Variants in ATP11C observed in about 807,000 individuals in gnomAD.
ATP11C encodes phospholipid-transporting ATPase IG.
ATP11C carries 36 observed loss-of-function variants against 97.4 expected under a neutral mutation model. The observed-to-expected ratio is 0.37, with a 90% CI of 0.28 to 0.49. The LOEUF is 0.49. Among genes scored for constraint, ATP11C ranks in the 20% least tolerant of loss-of-function variants. The pLI is 0.98. For synonymous variants in ATP11C, 275 were observed against 290.9 expected, an observed-to-expected ratio of 0.95 and a Z score of 0.56; for missense variants, 730 against 824.6, an observed-to-expected ratio of 0.89 and a Z score of 1.40.
chrX:139,790,816 C>T lies in ATP11C; in HGVS notation c.1207-1328G>A, dbSNP rs541949762. Among the ~76,000 whole-genome samples the T allele has an allele frequency of 1.8e-4, 20 of 111,306 alleles. 1 individual carries two copies. The South Asian group carries it at 7.5e-3, about 42-fold the overall frequency. ...CAAGTTTCCAAATTTAGAAAAAAAG[C>T]AGATAAAGTATAACACAAGTATATT... On this transcript the variant is annotated intron_variant, in intron 12 of 29. Coordinates refer to ENST00000682941, the MANE Select transcript of ATP11C (RefSeq NM_001353812.2).
intron 1 of ATP11C, among the ~76,000 whole-genome samples, chrX:139,853,153 CCT>C (rs1260695152): frequency 8.9e-6 from 1 of 111,778 alleles, no homozygotes; most frequent in Non-Finnish European, 1.9e-5. Flanking sequence ...ACAAACCCCC[CCT>C]TTCTTCTTAG....
In ATP11C at chrX:139,798,310, A is replaced by T. The variant is rs1333809835; in HGVS notation, c.820T>A (p.Tyr274Asn). Residue 274 changes from tyrosine to asparagine, a missense_variant, in exon 10 of 30, where the codon TAC (tyrosine) becomes AAC (asparagine). By Grantham distance (143) the Tyr-to-Asn change is moderately radical. Transcript: ENST00000682941. Reference protein sequence around the residue: ...TGMETKMALNYQGKSQKRSAV... With the variant: ...TGMETKMALNNQGKSQKRSAV... Reference sequence around the variant, plus strand: ...GAACGTTTCTGAGATTTCCCTTGGTAGTTCAAAGCCATTTTGGTTTCCATT... The same window carrying T: ...GAACGTTTCTGAGATTTCCCTTGGTTGTTCAAAGCCATTTTGGTTTCCATT... The T allele has an allele frequency of 1.7e-6, 2 of 1,206,135 alleles. No homozygotes were observed. Among genetic ancestry groups the T allele is most frequent in the Non-Finnish European group, 2.2e-6 (2 of 893,758 alleles).
chrX:139,737,920 G>T lies in ATP11C; in HGVS notation c.3284C>A (p.Ala1095Asp), dbSNP rs1430518922. The change falls in exon 28 of 30, where the codon GCC becomes GAC. Residue 1095 changes from alanine to aspartate, a missense_variant. Transcript: ENST00000682941. ...IVLKNVRRRS[A>D]RRNLSCRRAS... ...TAAGATAAACTTAGTTCTTACCCTG[G>T]CACTTCTTCTTCTTACATTCTTTAA... 3 of 1,200,617 alleles carry T rather than the reference G, an allele frequency of 2.5e-6. No homozygotes were observed. Among genetic ancestry groups the T allele is most frequent in the Non-Finnish European group, 3.4e-6 (3 of 889,820 alleles).
chrX:139,750,933 T>C (rs1412553103), intron 23 of ATP11C, among the ~76,000 whole-genome samples: 2 of 112,037 alleles, frequency 1.8e-5, no homozygotes, highest in African/African-American at 6.5e-5. Context: ...AGCATTTACA[T>C]CAGTATTTAT....
chrX:139,871,494 C>T (rs1307568505), intron 1 of ATP11C, among the ~76,000 whole-genome samples: 1 of 106,770 alleles, frequency 9.4e-6, no homozygotes, highest in Non-Finnish European at 1.9e-5. Flanking sequence ...CAGGCATGAG[C>T]CACTGTGCCT....
At position 139,893,741 on chromosome X, in the gene ATP11C, C is replaced by CA. The variant is rs35487068; in HGVS notation, c.27+38274dup. On this transcript the variant is annotated intron_variant, in intron 1 of 29. Transcript: ENST00000682941. ...ATTGAGAAAGTTACATAACAAACTA[C>CA]AAAAAAAAAAAAAAATTGCACAACA... Among the ~76,000 whole-genome samples the CA allele has an allele frequency of 6.8e-3, 578 of 84,493 alleles. 3 individuals carry two copies. Among genetic ancestry groups the CA allele is most frequent in the East Asian group, 0.048 (130 of 2,715 alleles). The allele number at this position is 84,493 out of a possible 115,157, so 73.4% of individuals were successfully genotyped here. A position where few individuals can be genotyped will look rare whatever the true frequency, so the allele number is the denominator to read the frequency against.
intron 1 of ATP11C, among the ~76,000 whole-genome samples, chrX:139,842,494 C>T (rs755905835): frequency 1.8e-5 from 2 of 112,738 alleles, no homozygotes; most frequent in Admixed American, 1.9e-4. Flanking sequence ...CTCTCACTGA[C>T]CTCTGAGCTA....
chrX:139,744,179 C>CA (rs1420130261), intron 25 of ATP11C, among the ~76,000 whole-genome samples: 1 of 109,713 alleles, frequency 9.1e-6, no homozygotes, highest in Non-Finnish European at 1.9e-5. Flanking sequence ...ATATGCTTAC[C>CA]AAATGCTGTC....
chrX:139,910,885 A>G (rs1056923888), intron 1 of ATP11C, among the ~76,000 whole-genome samples: 2 of 111,801 alleles, frequency 1.8e-5, no homozygotes, highest in African/African-American at 6.5e-5. Flanking sequence ...ACACAGTCAC[A>G]TATCCGAAAT....
chrX:139,754,360 A>C (rs1045843139), intron 23 of ATP11C, among the ~76,000 whole-genome samples: 4 of 111,671 alleles, frequency 3.6e-5, no homozygotes, highest in African/African-American at 9.8e-5. Context: ...TACCAACCAA[A>C]AAAAAAGCTC....
intron 2 of ATP11C, among the ~76,000 whole-genome samples, chrX:139,823,038 G>A (rs969885619): frequency 2.7e-5 from 3 of 109,935 alleles, no homozygotes; most frequent in African/African-American, 9.9e-5. Context: ...CCAACATGGC[G>A]AAACCCCGTG....
chrX:139,817,295 G>A (rs1479352190), intron 3 of ATP11C, among the ~76,000 whole-genome samples: 2 of 112,688 alleles, frequency 1.8e-5, no homozygotes, highest in African/African-American at 6.5e-5. Flanking sequence ...CTGCCTTCAT[G>A]TAGCTGGCAG....
intron 1 of ATP11C, among the ~76,000 whole-genome samples, chrX:139,882,117 C>T (rs1246120199): frequency 4.5e-5 from 5 of 111,481 alleles, no homozygotes; most frequent in African/African-American, 6.5e-5. Context: ...CAAACGAACA[C>T]TTCCTGAGTA....
At chrX:139,733,290 T>C (rs748651457) in intron 28 of ATP11C, among the ~76,000 whole-genome samples, 1 of 111,895 alleles carries the variant, frequency 8.9e-6, no homozygotes, top group South Asian at 3.7e-4. Context: ...TGCCTGAAAT[T>C]ATAAGGTAAT....
At chrX:139,739,869 T>C (rs1019803680) in intron 27 of ATP11C, among the ~76,000 whole-genome samples, 6 of 111,935 alleles carry the variant, frequency 5.4e-5, no homozygotes, top group African/African-American at 1.3e-4. Flanking sequence ...TTAAAGAAAA[T>C]AGAGACTTCT....
intron 1 of ATP11C, among the ~76,000 whole-genome samples, chrX:139,867,237 T>C (rs1005873283): frequency 9.0e-6 from 1 of 111,347 alleles, no homozygotes; most frequent in African/African-American, 3.3e-5. Context: ...CCTTCCCTCA[T>C]AGCGCTTACA....
intron 29 of ATP11C, among the ~76,000 whole-genome samples, chrX:139,729,505 C>A (rs768110547): frequency 5.4e-5 from 6 of 111,492 alleles, no homozygotes; most frequent in Admixed American, 1.9e-4. Context: ...AAGCATATTT[C>A]CCCCCTACAA....
intron 19 of ATP11C, among the ~76,000 whole-genome samples, chrX:139,770,988 C>A (rs1035269695): frequency 8.9e-6 from 1 of 111,761 alleles, no homozygotes; most frequent in Non-Finnish European, 1.9e-5. Flanking sequence ...CAAGATTCAT[C>A]TGTTGAAGCT....
intron 13 of ATP11C, among the ~76,000 whole-genome samples, 183 bp from the exon 14 acceptor site, chrX:139,788,526 T>A (rs1377865238): frequency 1.8e-5 from 2 of 111,213 alleles, no homozygotes; most frequent in Non-Finnish European, 3.8e-5. Context: ...CTAATAAGAG[T>A]TCCTGGTTCT....
Sources: gnomAD v4.1 joint callset for allele counts (sites outside exome capture counted in the v4.1 genomes callset) on GRCh38, gnomAD v4.1.1 for gene constraint, MANE v1.5 for transcripts, NCBI Gene and HGNC (gene_info 2026-07-23, HGNC 2026-07-21) for gene names.